Variants in CRYBB3 observed in about 807,000 individuals in gnomAD.
CRYBB3 encodes the protein crystallin beta B3.
Under a neutral mutation model 28.3 loss-of-function variants are expected in CRYBB3, and 35 were observed. The observed-to-expected ratio is 1.24, with a 90% confidence interval of 0.95 to 1.64. The LOEUF (loss-of-function observed/expected upper bound fraction) is 1.64. Ranked by LOEUF, CRYBB3 falls within the 40% of genes most tolerant of loss-of-function variation. The pLI is 0.00. For synonymous variants in CRYBB3, 106 were observed against 110.4 expected, an observed-to-expected ratio of 0.96 and a Z score of 0.25; for missense variants, 296 against 297.4, an observed-to-expected ratio of 1.00 and a Z score of 0.04.
At chr22:25,206,198 C>G (rs1013004768) in intron 5 of CRYBB3, among the ~76,000 whole-genome samples, 6 of 152,144 alleles carry the variant, frequency 3.9e-5, no homozygotes, top group Non-Finnish European at 8.8e-5. Context: ...TGAACATCTA[C>G]TATATGCTGG....
chr22:25,201,403 G>A lies in CRYBB3; in HGVS notation c.7G>A (p.Glu3Lys), dbSNP rs780980241. 8.1e-6 allele frequency: 13 copies of A among 1,613,362 alleles called. No homozygotes were observed. The highest frequency in any genetic ancestry group is 1.7e-4 in the Middle Eastern group (1 of 6,056). ...CAGAGGTGTTCCTGGGGAGATGGCG[G>A]AACAGCACGGAGCACCCGAACAGGC... MAEQHGAPEQAAA... is the reference protein window; with the variant it reads MAKQHGAPEQAAA... Residue 3 changes from glutamate to lysine, a missense_variant, in exon 2 of 6, where the codon GAA becomes AAA. Coordinates refer to ENST00000215855, the MANE Select transcript of CRYBB3 (RefSeq NM_004076.5).
intron 4 of CRYBB3, among the ~76,000 whole-genome samples, chr22:25,204,721 A>G (rs530785971): frequency 1.1e-4 from 17 of 152,272 alleles, no homozygotes; most frequent in African/African-American, 4.1e-4. Context: ...CCCGGCCCAC[A>G]GTGACACTTT....
At chr22:25,206,361 C>T (rs568408953) in intron 5 of CRYBB3, among the ~76,000 whole-genome samples, 55 of 152,108 alleles carry the variant, frequency 3.6e-4, no homozygotes, top group African/African-American at 1.2e-3. Flanking sequence ...CTGACCACCA[C>T]GGAGAAACCC....
At position 25,202,793 on chromosome 22, in the gene CRYBB3, G is replaced by A. The variant is rs200444299; in HGVS notation, c.194+1G>A. 11 of 1,613,528 alleles carry A rather than the reference G, an allele frequency of 6.8e-6. No homozygotes were observed. Among genetic ancestry groups the A allele is most frequent in the African/African-American group, 1.3e-5 (1 of 74,932 alleles). On this transcript the variant is annotated splice_donor_variant, in intron 3 of 5. Coordinates refer to ENST00000215855, the MANE Select transcript of CRYBB3 (RefSeq NM_004076.5). LOFTEE classifies it high-confidence loss of function. ...GCTCCATCCAAGTGGAGTCCGGGCCGTGAGTACCTAGACCCCCAGTCCCTC... is the reference window on the plus strand; with the variant it reads ...GCTCCATCCAAGTGGAGTCCGGGCCATGAGTACCTAGACCCCCAGTCCCTC...
At chr22:25,203,937 AG>A in intron 4 of CRYBB3, 42 bp downstream of exon 4, 1 of 1,613,520 alleles carries the variant, frequency 6.2e-7, no homozygotes, top group Middle Eastern at 1.7e-4. Flanking sequence ...TCCTGGAAGC[AG>A]GGTGCACTGA....
chr22:25,205,491 G>A (rs1399879647), intron 5 of CRYBB3, 129 bp downstream of exon 5: 7 of 1,153,354 alleles, frequency 6.1e-6, no homozygotes, highest in Admixed American at 3.6e-5. Flanking sequence ...ACGGAGTCTT[G>A]CTCTGTCGCC....
Position 25,207,275 on chromosome 22 carries a change from G to A in CRYBB3, c.*63G>A, listed in dbSNP as rs915502411. On this transcript the variant is annotated 3_prime_UTR_variant, in exon 6 of 6. Transcript: ENST00000215855. ...GGGGCTGCAAGGGCAAGAAGAGGAGGCTCCAGGGTTGGGGCGAGGGCCGAC... is the reference window on the plus strand; with the variant it reads ...GGGGCTGCAAGGGCAAGAAGAGGAGACTCCAGGGTTGGGGCGAGGGCCGAC... 1.3e-6 allele frequency: 2 copies of A among 1,499,676 alleles called. No individual in the cohort carries two copies. The highest frequency in any genetic ancestry group is 2.8e-5 in the African/African-American group (2 of 72,416). The allele number at this position is 1,499,676 out of a possible 1,614,324, so 92.9% of individuals were successfully genotyped here. A position where few individuals can be genotyped will look rare whatever the true frequency, so the allele number is the denominator to read the frequency against.
chr22:25,203,923 G>A, intron 4 of CRYBB3, 28 bp downstream of exon 4: 1 of 1,614,010 alleles, frequency 6.2e-7, no homozygotes. Flanking sequence ...TCACTTCTGG[G>A]TGTTCCTGGA....
chr22:25,202,894 T>A, intron 3 of CRYBB3, 102 bp downstream of exon 3: 1 of 1,548,668 alleles, frequency 6.5e-7, no homozygotes, highest in Admixed American at 1.9e-5. Flanking sequence ...TTTTGACAGC[T>A]CCCCTGCCTT....
In CRYBB3 at chr22:25,207,200, C is replaced by G. The variant is rs2146076838; in HGVS notation, c.624C>G (p.Phe208Leu). Residue 208 changes from phenylalanine (F) to leucine (L), a missense_variant, in exon 6 of 6, where the codon TTC (phenylalanine) becomes TTG (leucine). By Grantham distance (22) the Phe-to-Leu change is conservative (BLOSUM62 0). Coordinates refer to ENST00000215855, the MANE Select transcript of CRYBB3 (RefSeq NM_004076.5). ...RDQKWHKRGRFPSS is the reference protein window; with the variant it reads ...RDQKWHKRGRLPSS Reference sequence around the variant, plus strand: ...AGAAGTGGCACAAGCGGGGCCGCTTCCCCAGCAGCTGAAAGGCACCCAGAC... The same window carrying G: ...AGAAGTGGCACAAGCGGGGCCGCTTGCCCAGCAGCTGAAAGGCACCCAGAC... 6.2e-7 allele frequency: 1 copy of G among 1,612,654 alleles called. No homozygotes were observed. Among genetic ancestry groups the G allele is most frequent in the Non-Finnish European group, 8.5e-7 (1 of 1,179,466 alleles).
At position 25,201,472 on chromosome 22, in the gene CRYBB3, G is replaced by T; in HGVS notation, c.75+1G>T. 1.2e-6 allele frequency: 2 copies of T among 1,612,668 alleles called. No homozygotes were observed. The highest frequency in any genetic ancestry group is 1.3e-5 in the African/African-American group (1 of 74,998). ...TGGAGACCTTGGGGGCAGCTACAAG[G>T]TACTGGGCAGGGAGGGGGTCAGAGG... is the stretch of plus-strand genomic sequence containing the variant. On this transcript the variant is annotated splice_donor_variant, in intron 2 of 5. Transcript: ENST00000215855. LOFTEE classifies it high-confidence loss of function.
chr22:25,205,978 G>A (rs778955022), intron 5 of CRYBB3, among the ~76,000 whole-genome samples: 6 of 152,136 alleles, frequency 3.9e-5, no homozygotes, highest in Non-Finnish European at 7.3e-5. Flanking sequence ...GGCCCAGGAT[G>A]TATGCAGTTA....
chr22:25,202,697 C>T lies in CRYBB3; in HGVS notation c.99C>T (p.Asn33=), dbSNP rs151115623. ...AGGTGATCTTGTACGAACTAGAGAA[C>T]TTCCAAGGCAAACGCTGCGAGCTCT... ...SYKVILYELE[N]FQGKRCELSA... Residue 33 remains asparagine (N), a synonymous_variant, in exon 3 of 6, where the codon AAC becomes AAT. Transcript: ENST00000215855. 1.3e-4 allele frequency: 210 copies of T among 1,614,062 alleles called. No homozygotes were observed. The African/African-American group carries it at 2.5e-3, about 20-fold the overall frequency.
intron 2 of CRYBB3, 131 bp from the exon 3 acceptor site, chr22:25,202,539 GCCCA>G: frequency 6.4e-7 from 1 of 1,553,136 alleles, no homozygotes; most frequent in Non-Finnish European, 8.7e-7. Context: ...GGCAGTGCAG[GCCCA>G]CCTCAGTGCC....
In CRYBB3 at chr22:25,205,413, C is replaced by G. The variant is rs745757395; in HGVS notation, c.470+51C>G. The G allele has an allele frequency of 3.7e-6, 6 of 1,608,834 alleles. No individual in the cohort carries two copies. In the South Asian group the frequency reaches 5.5e-5, roughly 15 times the overall value. The stretch of plus-strand genomic sequence containing the variant: ...CCCCATCTTCTGGTCAGCCATGCCT[C>G]TGGCTCCAAACAGAATCAGTGCCCA... On this transcript the variant is annotated intron_variant, in intron 5 of 5. Transcript: ENST00000215855.
intron 4 of CRYBB3, among the ~76,000 whole-genome samples, chr22:25,204,994 T>C (rs1380183291): frequency 6.6e-6 from 1 of 152,210 alleles, no homozygotes; most frequent in Admixed American, 6.5e-5. Context: ...AGTTTTATAA[T>C]CTACGGCTCT....
intron 4 of CRYBB3, among the ~76,000 whole-genome samples, 196 bp downstream of exon 4, chr22:25,204,091 T>A (rs1052173980): frequency 6.6e-6 from 1 of 152,142 alleles, no homozygotes; most frequent in Non-Finnish European, 1.5e-5. Context: ...CGGTTGGGGA[T>A]TGAGACACCA....
At chr22:25,202,818 C>T (rs375915689) in intron 3 of CRYBB3, 26 bp downstream of exon 3, 135 of 1,612,170 alleles carry the variant, frequency 8.4e-5, no homozygotes, top group Admixed American at 5.3e-4. Context: ...CCCAGTCCCT[C>T]GCCACAGCCC....
At position 25,207,253 on chromosome 22, in the gene CRYBB3, G is replaced by T. The variant is rs760316915; in HGVS notation, c.*41G>T. On this transcript the variant is annotated 3_prime_UTR_variant, in exon 6 of 6. Transcript: ENST00000215855. ...CAAGGACCCAGACCCACCCTGGGGGGCTGCAAGGGCAAGAAGAGGAGGCTC... is the reference window on the plus strand; with the variant it reads ...CAAGGACCCAGACCCACCCTGGGGGTCTGCAAGGGCAAGAAGAGGAGGCTC... 6.3e-7 allele frequency: 1 copy of T among 1,579,572 alleles called. No homozygotes were observed. The highest frequency in any genetic ancestry group is 8.6e-7 in the Non-Finnish European group (1 of 1,158,024).
Sources: gnomAD v4.1 joint callset for allele counts (sites outside exome capture counted in the v4.1 genomes callset) on GRCh38, gnomAD v4.1.1 for gene constraint, MANE v1.5 for transcripts, NCBI Gene and HGNC (gene_info 2026-07-23, HGNC 2026-07-21) for gene names.